The following VDAC2 variants were observed in gnomAD, a reference collection of about 807,000 sequenced individuals.
The protein encoded by VDAC2 is voltage dependent anion channel 2, also known as non-selective voltage-gated ion channel VDAC2.
A neutral mutation model predicts 36.6 loss-of-function variants in VDAC2; 6 were observed. That is an observed-to-expected ratio of 0.16 (90% confidence interval 0.09 to 0.32). The LOEUF (loss-of-function observed/expected upper bound fraction) is 0.32. Among genes scored for constraint, VDAC2 ranks in the 10% least tolerant of loss-of-function variants. VDAC2 has a pLI of 1.00. For synonymous variants in VDAC2, 109 were observed against 123.8 expected (o/e 0.88, Z 0.79); for missense variants, 247 against 346.0 (o/e 0.71, Z 2.27).
At chr10:75,214,938 T>C (rs1370171942) in intron 4 of VDAC2, among the ~76,000 whole-genome samples, 1 of 152,216 alleles carries the variant, frequency 6.6e-6, no homozygotes, top group Non-Finnish European at 1.5e-5. Flanking sequence ...AGGGTCTCAC[T>C]CGGTTGCCCA....
intron 8 of VDAC2, 103 bp downstream of exon 8, chr10:75,222,505 C>T: frequency 1.4e-6 from 2 of 1,435,564 alleles, no homozygotes; most frequent in Non-Finnish European, 1.9e-6. Context: ...ACACAGTCCC[C>T]AGTTTACAGA....
rs1008876280 is a variant in VDAC2, at chr10:75,222,156, T to C, written c.585-96T>C. ...GAACACTAAAGACCCACTTGAGCTGTGGTTTTTTATTTAAATGTAATGCTA... is the reference window on the plus strand; with the variant it reads ...GAACACTAAAGACCCACTTGAGCTGCGGTTTTTTATTTAAATGTAATGCTA... On this transcript the variant is annotated intron_variant, in intron 7 of 9. Coordinates refer to ENST00000332211, the MANE Select transcript of VDAC2 (RefSeq NM_001391963.1). 7 of 1,332,982 alleles carry C rather than the reference T, an allele frequency of 5.3e-6. No homozygotes were observed. In the African/African-American group the frequency reaches 1.0e-4, roughly 20 times the overall value. 82.6% of individuals were successfully genotyped at this position (1,332,982 alleles called of 1,614,324 possible).
upstream of VDAC2, among the ~76,000 whole-genome samples, chr10:75,210,472 G>A (rs938342725): frequency 1.3e-5 from 2 of 152,158 alleles, no homozygotes; most frequent in African/African-American, 2.4e-5. Context: ...CTATCGCCCC[G>A]GCCACGCGCC....
At chr10:75,228,039 T>C (rs1008704990) in intron 8 of VDAC2, among the ~76,000 whole-genome samples, 4 of 151,466 alleles carry the variant, frequency 2.6e-5, no homozygotes, top group African/African-American at 7.3e-5. Context: ...GGACTATAGG[T>C]GCCCACCACC....
Position 75,212,280 on chromosome 10 carries a change from A to G in VDAC2, c.82A>G (p.Ile28Val), listed in dbSNP as rs1841449003. 1 of 1,613,370 alleles carries G rather than the reference A, an allele frequency of 6.2e-7. No homozygotes were observed. The highest frequency in any genetic ancestry group is 1.3e-5 in the African/African-American group (1 of 74,918). The change falls in exon 3 of 10, where the codon ATT (isoleucine) becomes GTT (valine). Residue 28 changes from isoleucine to valine, a missense_variant. By Grantham distance (29) the Ile-to-Val change is conservative. Around this residue, in one of 3 missense-constraint regions of VDAC2, gnomAD observed 76 missense variants for 76.9 expected, o/e 0.99. Coordinates refer to ENST00000332211, the MANE Select transcript of VDAC2 (RefSeq NM_001391963.1). ...TGACCTTGGCAAAGCTGCCAGAGATATTTTCAACAAAGGATTTGGTAAGAA... is the reference window on the plus strand; with the variant it reads ...TGACCTTGGCAAAGCTGCCAGAGATGTTTTCAACAAAGGATTTGGTAAGAA... ...YADLGKAARD[I>V]FNKGFGFGLV...
At chr10:75,221,921 C>G (rs1841824980) in intron 7 of VDAC2, among the ~76,000 whole-genome samples, 1 of 152,178 alleles carries the variant, frequency 6.6e-6, no homozygotes, top group South Asian at 2.1e-4. Context: ...GGTATATAAT[C>G]TTTGTTAATG....
chr10:75,228,662 C>A (rs971587439), intron 8 of VDAC2, among the ~76,000 whole-genome samples: 3 of 152,216 alleles, frequency 2.0e-5, no homozygotes, highest in African/African-American at 7.2e-5. Flanking sequence ...TACATCATTT[C>A]TTTCTCTGGA....
In VDAC2 at chr10:75,220,856, A is replaced by T; in HGVS notation, c.470A>T (p.Tyr157Phe). ...PAIHGSAVFG[Y>F]EGWLAGYQMT... ...ATCCATGGTTCAGCTGTCTTTGGTTATGAGGGCTGGCTTGCTGGCTACCAG... is the reference window on the plus strand; with the variant it reads ...ATCCATGGTTCAGCTGTCTTTGGTTTTGAGGGCTGGCTTGCTGGCTACCAG... The change falls in exon 7 of 10, where the codon TAT (tyrosine) becomes TTT (phenylalanine). Residue 157 changes from tyrosine (Y) to phenylalanine (F), a missense_variant. Transcript: ENST00000332211. 6.2e-7 allele frequency: 1 copy of T among 1,613,680 alleles called. No homozygotes were observed. Among genetic ancestry groups the T allele is most frequent in the Non-Finnish European group, 8.5e-7 (1 of 1,179,584 alleles).
Position 75,220,753 on chromosome 10 carries a change from G to C in VDAC2, c.367G>C (p.Gly123Arg). The C allele has an allele frequency of 6.2e-7, 1 of 1,609,540 alleles. No individual in the cohort carries two copies. Among genetic ancestry groups the C allele is most frequent in the Non-Finnish European group, 8.5e-7 (1 of 1,177,194 alleles). The stretch of plus-strand genomic sequence containing the variant: ...TTGTTCTTTTTCCAGAAAGAAAAGT[G>C]GTAAAATCAAGTCTTCTTACAAGAG... Reference protein sequence around the residue: ...TFSPNTGKKSGKIKSSYKREC... With the variant: ...TFSPNTGKKSRKIKSSYKREC... Residue 123 changes from glycine (G) to arginine (R), a missense_variant, in exon 7 of 10, where the codon GGT becomes CGT. By Grantham distance (125) the Gly-to-Arg change is moderately radical. Around this residue, in one of 3 missense-constraint regions of VDAC2, gnomAD observed 159 missense variants for 234.0 expected, o/e 0.68. Coordinates refer to ENST00000332211, the MANE Select transcript of VDAC2 (RefSeq NM_001391963.1).
At chr10:75,220,607 T>A in intron 6 of VDAC2, 136 bp from the exon 7 acceptor site, 1 of 718,780 alleles carries the variant, frequency 1.4e-6, no homozygotes, top group Non-Finnish European at 2.3e-6. Flanking sequence ...TTGAGCTGAC[T>A]TTTTTACTCC....
chr10:75,214,777 G>A (rs1841546802), intron 4 of VDAC2, among the ~76,000 whole-genome samples: 1 of 152,164 alleles, frequency 6.6e-6, no homozygotes, highest in African/African-American at 2.4e-5. Context: ...CACCCACCTT[G>A]GCCTCCCAGA....
At chr10:75,211,269 C>T (rs950739824) in intron 2 of VDAC2, 80 bp downstream of exon 2, 33 of 1,554,654 alleles carry the variant, frequency 2.1e-5, no homozygotes, top group African/African-American at 1.5e-4. Context: ...TTGTTTCCCC[C>T]TATCTTTCCA....
intron 8 of VDAC2, among the ~76,000 whole-genome samples, chr10:75,228,803 C>T (rs900206047): frequency 2.6e-5 from 4 of 152,242 alleles, no homozygotes; most frequent in African/African-American, 7.2e-5. Context: ...AGCAAAGTTG[C>T]ATGTCTAGGC....
chr10:75,211,348 G>C (rs991502904), intron 2 of VDAC2, 159 bp downstream of exon 2: 1 of 1,380,688 alleles, frequency 7.2e-7, no homozygotes, highest in African/African-American at 1.5e-5. Flanking sequence ...CGGAGGAGGG[G>C]CTGGGCTGCT....
intron 4 of VDAC2, among the ~76,000 whole-genome samples, chr10:75,215,163 C>T (rs1405657065): frequency 1.3e-5 from 2 of 152,036 alleles, no homozygotes; most frequent in Non-Finnish European, 2.9e-5. Context: ...ATCCACTTGC[C>T]TTGGCCTCCC....
rs1198062962 is a variant in VDAC2, at chr10:75,215,639, A to G, written c.150+1569A>G. Among the ~76,000 whole-genome samples, 11 of 152,048 alleles carry G rather than the reference A, an allele frequency of 7.2e-5. No individual in the cohort carries two copies. In the East Asian group the frequency reaches 1.7e-3, roughly 24 times the overall value. On this transcript the variant is annotated intron_variant, in intron 4 of 9. Coordinates refer to ENST00000332211, the MANE Select transcript of VDAC2 (RefSeq NM_001391963.1). ...AGTGCTGGGATTACAGGCGTGAGCC[A>G]CCGCGCCCGGCCTATATAGACATTT...
intron 8 of VDAC2, among the ~76,000 whole-genome samples, chr10:75,227,389 T>G (rs1187468615): frequency 3.3e-5 from 5 of 152,114 alleles, no homozygotes; most frequent in Non-Finnish European, 7.4e-5. Context: ...TCCGATGCTC[T>G]CTCTCCAGGT....
At chr10:75,223,556 C>G (rs1296928280) in intron 8 of VDAC2, among the ~76,000 whole-genome samples, 1 of 152,158 alleles carries the variant, frequency 6.6e-6, no homozygotes, top group Non-Finnish European at 1.5e-5. Context: ...TCAGCAGTAC[C>G]CAGAAGCATT....
intron 3 of VDAC2, 45 bp downstream of exon 3, chr10:75,212,343 G>A (rs369658216): frequency 2.0e-6 from 3 of 1,524,786 alleles, no homozygotes; most frequent in Non-Finnish European, 2.7e-6. Flanking sequence ...GAGTGAAAAT[G>A]TATGTTTGGG....
Sources: allele counts gnomAD v4.1 joint callset (sites outside exome capture counted in the v4.1 genomes callset), GRCh38; gene constraint gnomAD v4.1.1; regional missense constraint gnomAD v4.1.1; transcripts MANE v1.5; gene names NCBI Gene and HGNC (gene_info 2026-07-23, HGNC 2026-07-21).